The following INPP5F variants were observed in gnomAD, a reference collection of about 807,000 sequenced individuals.
INPP5F encodes inositol polyphosphate-5-phosphatase F.
INPP5F carries 97 observed loss-of-function variants against 137.2 expected under a neutral mutation model. The observed-to-expected ratio is 0.71, with a 90% confidence interval of 0.60 to 0.84. INPP5F has a LOEUF of 0.84. Ranked by LOEUF, INPP5F falls within the 40% of genes least tolerant of loss-of-function variation. The pLI, the probability that INPP5F is intolerant of heterozygous loss-of-function variation, is 0.00. For missense variants in INPP5F, 1,271 were observed against 1,371.9 expected, an observed-to-expected ratio of 0.93 and a Z score of 1.16; for synonymous variants, 504 against 476.9, an observed-to-expected ratio of 1.06 and a Z score of -0.74.
At chr10:119,755,431 C>G (rs1336975208) in intron 2 of INPP5F, among the ~76,000 whole-genome samples, 1 of 152,148 alleles carries the variant, frequency 6.6e-6, no homozygotes, top group Non-Finnish European at 1.5e-5. Flanking sequence ...TGGATTAAGG[C>G]CCACTCAAAT....
intron 2 of INPP5F, among the ~76,000 whole-genome samples, chr10:119,757,232 G>A (rs966407844): frequency 9.9e-5 from 15 of 151,774 alleles, no homozygotes; most frequent in African/African-American, 3.4e-4. Context: ...GCGTCACCAT[G>A]CCTGGCTTAT....
chr10:119,783,872 G>A (rs1242477216), intron 3 of INPP5F, among the ~76,000 whole-genome samples: 1 of 152,182 alleles, frequency 6.6e-6, no homozygotes, highest in African/African-American at 2.4e-5. Flanking sequence ...GTTAAGAGTT[G>A]AGTATACGTA....
At chr10:119,752,793 A>T (rs1273698188) in intron 2 of INPP5F, among the ~76,000 whole-genome samples, 1 of 151,958 alleles carries the variant, frequency 6.6e-6, no homozygotes, top group Non-Finnish European at 1.5e-5. Context: ...TATATAAATG[A>T]TATTAAGTTG....
chr10:119,789,623 A>C (rs1455562672), intron 3 of INPP5F, among the ~76,000 whole-genome samples: 1 of 152,038 alleles, frequency 6.6e-6, no homozygotes, highest in African/African-American at 2.4e-5. Context: ...GGTTTTGGAC[A>C]TGTTGAGTTT....
chr10:119,818,200 C>T (rs1357886152), intron 15 of INPP5F, among the ~76,000 whole-genome samples: 2 of 152,220 alleles, frequency 1.3e-5, no homozygotes, highest in East Asian at 1.9e-4. Flanking sequence ...TGTCCTTTCC[C>T]GCCCGTTATC....
chr10:119,746,974 A>C (rs1038693778), intron 1 of INPP5F, among the ~76,000 whole-genome samples: 1 of 152,094 alleles, frequency 6.6e-6, no homozygotes, highest in Non-Finnish European at 1.5e-5. Context: ...TTTTTAGTAG[A>C]GATGGGGTTT....
At chr10:119,819,554 G>A in intron 15 of INPP5F, 2 of 1,585,896 alleles carry the variant, frequency 1.3e-6, no homozygotes, top group Non-Finnish European at 1.7e-6. Context: ...GTATCAACGC[G>A]TAAAACTTAA....
chr10:119,777,788 A>T (rs1217059314), intron 2 of INPP5F, among the ~76,000 whole-genome samples: 1 of 152,240 alleles, frequency 6.6e-6, no homozygotes, highest in South Asian at 2.1e-4. Flanking sequence ...TCTTCAGTTA[A>T]TGTTTAATGA....
intron 16 of INPP5F, among the ~76,000 whole-genome samples, chr10:119,821,159 G>A (rs1851544123): frequency 6.6e-6 from 1 of 151,968 alleles, no homozygotes; most frequent in Non-Finnish European, 1.5e-5. Flanking sequence ...TATTCTTTTG[G>A]CATTTGGTGT....
chr10:119,827,507 C>G lies in INPP5F; in HGVS notation c.3126C>G (p.Ser1042=). ...TTGCATCTCAAAAAACCCCCACCTC[C>G]GCTTCCAGCATGCTTGAACTTGAGA... is the stretch of plus-strand genomic sequence containing the variant. ...HSVASQKTPT[S]ASSMLELETG... is the part of the protein sequence containing the mutation. The change falls in exon 20 of 20, where the codon TCC becomes TCG. Residue 1042 remains serine (S), a synonymous_variant. Coordinates refer to ENST00000650623, the MANE Select transcript of INPP5F (RefSeq NM_014937.4). The G allele has an allele frequency of 1.2e-6, 2 of 1,614,188 alleles. No homozygotes were observed. The highest frequency in any genetic ancestry group is 1.7e-6 in the Non-Finnish European group (2 of 1,180,022).
At chr10:119,749,334 C>A (rs374489977) in intron 1 of INPP5F, among the ~76,000 whole-genome samples, 2 of 152,232 alleles carry the variant, frequency 1.3e-5, no homozygotes, top group African/African-American at 4.8e-5. Context: ...CAGCCCTGGC[C>A]GCGCCTCCCC....
At position 119,822,482 on chromosome 10, in the gene INPP5F, A is replaced by C; in HGVS notation, c.2010A>C (p.Glu670Asp). ...KVNQYQRLSL[E>D]NLEKIEIGPE... ...ACCAGTATCAACGACTAAGTCTAGAAAACCTGGAAAAAATTGAAATAGGTA... is the reference window on the plus strand; with the variant it reads ...ACCAGTATCAACGACTAAGTCTAGACAACCTGGAAAAAATTGAAATAGGTA... Residue 670 changes from glutamate (E) to aspartate (D), a missense_variant, in exon 17 of 20, where the codon GAA (glutamate) becomes GAC (aspartate). Around this residue, in one of 6 missense-constraint regions of INPP5F, gnomAD observed 593 missense variants for 712.4 expected, o/e 0.83. Coordinates refer to ENST00000650623, the MANE Select transcript of INPP5F (RefSeq NM_014937.4). 1 of 1,522,566 alleles carries C rather than the reference A, an allele frequency of 6.6e-7. No individual in the cohort carries two copies. Among genetic ancestry groups the C allele is most frequent in the Non-Finnish European group, 9.0e-7 (1 of 1,110,796 alleles). The allele number at this position is 1,522,566 out of a possible 1,614,324, so 94.3% of individuals were successfully genotyped here.
chr10:119,741,813 G>A (rs1228290188), intron 1 of INPP5F, among the ~76,000 whole-genome samples: 1 of 152,066 alleles, frequency 6.6e-6, no homozygotes, highest in Admixed American at 6.6e-5. Context: ...GGGATTACAG[G>A]CGTGAGCCAC....
chr10:119,821,766 ACG>A (rs1299375302), intron 16 of INPP5F, among the ~76,000 whole-genome samples: 1 of 150,162 alleles, frequency 6.7e-6, no homozygotes, highest in Non-Finnish European at 1.5e-5. Flanking sequence ...GTGTGTGCAC[ACG>A]CGCGCGCATG....
At chr10:119,769,824 C>T (rs1476429560) in intron 2 of INPP5F, among the ~76,000 whole-genome samples, 3 of 152,160 alleles carry the variant, frequency 2.0e-5, no homozygotes, top group Non-Finnish European at 2.9e-5. Context: ...AATTACACCA[C>T]AGGCTTTTCT....
chr10:119,824,048 C>T, intron 19 of INPP5F, 146 bp downstream of exon 19: 1 of 589,634 alleles, frequency 1.7e-6, no homozygotes, highest in South Asian at 2.3e-5. Context: ...TTCTGCAGAT[C>T]AAAATACTTT....
intron 19 of INPP5F, chr10:119,826,001 C>T: frequency 2.5e-6 from 1 of 398,436 alleles, no homozygotes; most frequent in Non-Finnish European, 4.4e-6. Context: ...TTAAATGTCC[C>T]AAATCTTTTA....
Position 119,805,503 on chromosome 10 carries a change from C to T in INPP5F, c.1319+42C>T, listed in dbSNP as rs2273749. 4 of 1,332,590 alleles carry T rather than the reference C, an allele frequency of 3.0e-6. No individual in the cohort carries two copies. In the South Asian group the frequency reaches 4.7e-5, roughly 16 times the overall value. 82.5% of individuals were successfully genotyped at this position (1,332,590 alleles called of 1,614,324 possible). A position where few individuals can be genotyped will look rare whatever the true frequency, so the allele number is the denominator to read the frequency against. On this transcript the variant is annotated intron_variant, in intron 11 of 19. Coordinates refer to ENST00000650623, the MANE Select transcript of INPP5F (RefSeq NM_014937.4). ...AACTCCTTTTTACAGACTCTGGGAT[C>T]TGTAAAATAGTACCACTGAGCATTA... is the stretch of plus-strand genomic sequence containing the variant.
intron 2 of INPP5F, among the ~76,000 whole-genome samples, chr10:119,778,152 G>A (rs574209249): frequency 1.3e-5 from 2 of 151,922 alleles, no homozygotes; most frequent in East Asian, 1.9e-4. Context: ...GATTACATAC[G>A]TGCACCACCA....
Sources: gnomAD v4.1 joint callset for allele counts (sites outside exome capture counted in the v4.1 genomes callset) on GRCh38, gnomAD v4.1.1 for gene constraint, gnomAD v4.1.1 regional missense constraint, MANE v1.5 for transcripts, NCBI Gene and HGNC (gene_info 2026-07-23, HGNC 2026-07-21) for gene names.